Variants in NLGN1 observed in about 807,000 individuals in gnomAD.
NLGN1 encodes the protein neuroligin 1.
NLGN1 carries 12 observed loss-of-function variants against 65.5 expected under a neutral mutation model. The ratio of observed to expected loss-of-function variants is 0.18; its 90% CI spans 0.12 to 0.30. NLGN1 has a LOEUF of 0.30. Among genes scored for constraint, NLGN1 ranks in the 10% least tolerant of loss-of-function variants. The pLI is 1.00. For synonymous variants in NLGN1, 350 were observed against 359.5 expected (o/e 0.97, Z 0.30); for missense variants, 750 against 1,007.1 (o/e 0.74, Z 3.46).
At position 174,069,885 on chromosome 3, in the gene NLGN1, G is replaced by A. The variant is rs187105075; in HGVS notation, c.647-205430G>A. Among the ~76,000 whole-genome samples, 579 of 152,320 alleles carry A rather than the reference G, an allele frequency of 3.8e-3. 12 individuals carry two copies. Among genetic ancestry groups the A allele is most frequent in the Admixed American group, 0.035 (542 of 15,288 alleles). ...TTTAGCTGTAAACCTGACTACTTGT[G>A]TGAACTGGGTTGAGTGACTTAAGCA... is the stretch of plus-strand genomic sequence containing the variant. On this transcript the variant is annotated intron_variant, in intron 4 of 6. Transcript: ENST00000457714.
chr3:173,872,800 T>A (rs778376489), intron 4 of NLGN1, among the ~76,000 whole-genome samples: 2 of 152,170 alleles, frequency 1.3e-5, no homozygotes, highest in African/African-American at 4.8e-5. Flanking sequence ...CTACTAAGTA[T>A]CCATAGTTTA....
intron 3 of NLGN1, among the ~76,000 whole-genome samples, chr3:173,666,020 A>T (rs970843722): frequency 2.0e-5 from 3 of 152,154 alleles, no homozygotes; most frequent in Admixed American, 2.0e-4. Context: ...CCCTGCAGGC[A>T]TCTAATGGGT....
Position 174,266,944 on chromosome 3 carries a change from A to ATTTG in NLGN1, c.647-8368_647-8365dup, listed in dbSNP as rs202041401. The stretch of plus-strand genomic sequence containing the variant: ...TAGGTGACAATAAAGAAAACGTCAA[A>ATTTG]TTTGTTAGTTGATTATAGCCACAGT... On this transcript the variant is annotated intron_variant, in intron 4 of 6. Transcript: ENST00000457714. Among the ~76,000 whole-genome samples, 536 of 152,236 alleles carry ATTTG rather than the reference A, an allele frequency of 3.5e-3. 3 individuals carry two copies. Among genetic ancestry groups the ATTTG allele is most frequent in the African/African-American group, 0.012 (511 of 41,526 alleles).
intron 4 of NLGN1, among the ~76,000 whole-genome samples, chr3:173,994,871 T>G (rs1721940427): frequency 6.6e-6 from 1 of 152,108 alleles, no homozygotes; most frequent in African/African-American, 2.4e-5. Context: ...CTAGAAGAAA[T>G]GTTTGAAACT....
chr3:173,879,608 C>G (rs1182805465), intron 4 of NLGN1, among the ~76,000 whole-genome samples: 1 of 150,786 alleles, frequency 6.6e-6, no homozygotes, highest in Non-Finnish European at 1.5e-5. Flanking sequence ...GTTGCCTCTT[C>G]TATTGAATAT....
intron 5 of NLGN1, among the ~76,000 whole-genome samples, chr3:174,278,473 T>C (rs1048683408): frequency 1.3e-5 from 2 of 151,932 alleles, no homozygotes; most frequent in Non-Finnish European, 2.9e-5. Context: ...AAACAGACAA[T>C]GTAGAGTCTG....
At chr3:174,148,258 G>C (rs1238856984) in intron 4 of NLGN1, among the ~76,000 whole-genome samples, 1 of 152,138 alleles carries the variant, frequency 6.6e-6, no homozygotes, top group Non-Finnish European at 1.5e-5. Flanking sequence ...TTTCTGTTCA[G>C]TTTTAGTAGC....
chr3:173,942,138 G>C (rs1454167501), intron 4 of NLGN1, among the ~76,000 whole-genome samples: 3 of 147,872 alleles, frequency 2.0e-5, no homozygotes, highest in African/African-American at 4.9e-5. Flanking sequence ...GTGTGTGTGT[G>C]TGTATGTGTG....
intron 4 of NLGN1, among the ~76,000 whole-genome samples, chr3:174,009,527 T>C (rs1725098410): frequency 6.6e-6 from 1 of 152,156 alleles, no homozygotes; most frequent in African/African-American, 2.4e-5. Flanking sequence ...ACTACATCCC[T>C]GTGCCAAGTT....
chr3:173,874,933 T>G (rs1470397567), intron 4 of NLGN1, among the ~76,000 whole-genome samples: 1 of 152,214 alleles, frequency 6.6e-6, no homozygotes, highest in Non-Finnish European at 1.5e-5. Flanking sequence ...TATTGCCGTT[T>G]ATGACTAGTG....
chr3:174,205,741 T>G (rs1326516905), intron 4 of NLGN1, among the ~76,000 whole-genome samples: 2 of 152,332 alleles, frequency 1.3e-5, no homozygotes, highest in East Asian at 3.9e-4. Context: ...ATATATTAAA[T>G]AGGAAATACA....
exon 7 of NLGN1, chr3:174,284,139 A>T (rs745361953): frequency 1.1e-4 from 16 of 151,324 alleles, no homozygotes; most frequent in Non-Finnish European, 2.1e-4. Context: ...CCTATTAATT[A>T]TTTTCTCTAA....
intron 4 of NLGN1, among the ~76,000 whole-genome samples, chr3:174,251,010 T>C (rs1028723531): frequency 6.6e-6 from 1 of 152,036 alleles, no homozygotes; most frequent in Non-Finnish European, 1.5e-5. Flanking sequence ...TAACTGGTGC[T>C]GATCATTTTT....
intron 4 of NLGN1, among the ~76,000 whole-genome samples, chr3:174,199,208 G>A (rs1319518219): frequency 1.3e-5 from 2 of 152,030 alleles, no homozygotes; most frequent in Non-Finnish European, 2.9e-5. Flanking sequence ...ACCTTGCTAC[G>A]CTGAGAGTAT....
intron 2 of NLGN1, among the ~76,000 whole-genome samples, chr3:173,514,144 T>G (rs956209235): frequency 6.6e-6 from 1 of 152,214 alleles, no homozygotes; most frequent in Non-Finnish European, 1.5e-5. Flanking sequence ...GAATGAATCA[T>G]ATGAGATTTA....
In NLGN1 at chr3:173,419,020, C is replaced by CTTTTTTTTTTTTTTTTTTTT. The variant is rs59051811; in HGVS notation, c.-389-15975_-389-15956dup. Among the ~76,000 whole-genome samples, 3 of 12,262 alleles carry CTTTTTTTTTTTTTTTTTTTT rather than the reference C, an allele frequency of 2.4e-4. 1 individual carries two copies. The highest frequency in any genetic ancestry group is 3.4e-4 in the African/African-American group (1 of 2,928). 8.0% of individuals were successfully genotyped at this position (12,262 alleles called of 152,430 possible). On this transcript the variant is annotated intron_variant, in intron 1 of 6. Transcript: ENST00000457714. ...TCTGTTCTTTAGCTTTCTTCTTCTTCTTTTTTTTTTTTTTTTTTTTTTTTT... is the reference window on the plus strand; with the variant it reads ...TCTGTTCTTTAGCTTTCTTCTTCTTCTTTTTTTTTTTTTTTTTTTTTTTTTTTTTTTTTTTTTTTTTTTTT...
At chr3:174,175,133 G>A (rs1421134981) in intron 4 of NLGN1, among the ~76,000 whole-genome samples, 1 of 151,750 alleles carries the variant, frequency 6.6e-6, no homozygotes, top group African/African-American at 2.4e-5. Flanking sequence ...AGCTTTTGAA[G>A]GAATATCTAT....
chr3:173,715,700 A>G (rs1367278957), intron 3 of NLGN1, among the ~76,000 whole-genome samples: 1 of 152,188 alleles, frequency 6.6e-6, no homozygotes, highest in African/African-American at 2.4e-5. Context: ...ACTTAAATAA[A>G]TAGCATCAAT....
intron 3 of NLGN1, among the ~76,000 whole-genome samples, chr3:173,788,250 A>ACTTGCTGG (rs1345827572): frequency 1.4e-5 from 2 of 147,074 alleles, no homozygotes; most frequent in Non-Finnish European, 1.5e-5. Flanking sequence ...TTTTATCTTT[A>ACTTGCTGG]CTTGCTGGTA....
Sources: gnomAD v4.1 joint callset for allele counts (sites outside exome capture counted in the v4.1 genomes callset) on GRCh38, gnomAD v4.1.1 for gene constraint, MANE v1.5 for transcripts, NCBI Gene and HGNC (gene_info 2026-07-23, HGNC 2026-07-21) for gene names.